Variants in COL23A1 observed in about 807,000 individuals in gnomAD.
COL23A1 encodes the protein collagen type XXIII alpha 1 chain, also known as collagen alpha-1(XXIII) chain.
In COL23A1, 97 loss-of-function variants were observed where a neutral mutation model predicts 99.3. The observed-to-expected ratio is 0.98, with a 90% CI of 0.83 to 1.16. The LOEUF is 1.16. Ranked by LOEUF, COL23A1 falls within the 50% of genes most tolerant of loss-of-function variation. The pLI is 0.00. For missense variants in COL23A1, 762 were observed against 757.4 expected, an observed-to-expected ratio of 1.01 and a Z score of -0.07; for synonymous variants, 320 against 308.2, an observed-to-expected ratio of 1.04 and a Z score of -0.40.
At chr5:178,262,120 G>A (rs370455018) in intron 10 of COL23A1, 97 bp downstream of exon 10, 30 of 1,298,270 alleles carry the variant, frequency 2.3e-5, no homozygotes, top group African/African-American at 1.3e-4. Flanking sequence ...AAACATGTGC[G>A]CGTGACCCTG....
At chr5:178,547,543 CCACACACCCCCATACACACCCCCA>C (rs1761672237) in intron 2 of COL23A1, among the ~76,000 whole-genome samples, 1 of 106,166 alleles carries the variant, frequency 9.4e-6, no homozygotes, top group Non-Finnish European at 1.9e-5. Flanking sequence ...ACAAACACAC[CCACACACCCCCATACACACCCCCA>C]CACACACCTA....
chr5:178,578,033 A>G (rs966938886), intron 1 of COL23A1, among the ~76,000 whole-genome samples: 1 of 152,142 alleles, frequency 6.6e-6, no homozygotes, highest in Non-Finnish European at 1.5e-5. Flanking sequence ...CCCACACAGC[A>G]TGCACACACG....
chr5:178,343,163 G>A (rs181625731), intron 2 of COL23A1, among the ~76,000 whole-genome samples: 2 of 152,282 alleles, frequency 1.3e-5, no homozygotes, highest in East Asian at 3.9e-4. Context: ...ACCCACGTGG[G>A]AAACACTCAG....
chr5:178,434,309 C>A lies in COL23A1; in HGVS notation c.361+126373G>T, dbSNP rs1109115. Among the ~76,000 whole-genome samples, 1 of 152,162 alleles carries A rather than the reference C, an allele frequency of 6.6e-6. No individual in the cohort carries two copies. The highest frequency in any genetic ancestry group is 1.5e-5 in the Non-Finnish European group (1 of 68,040). The stretch of plus-strand genomic sequence containing the variant: ...AGCCTTCTTGGGTACCTCCTCCTCA[C>A]GTACTCACTGGCCCCGAGGCACTGT... On this transcript the variant is annotated intron_variant, in intron 2 of 28. Transcript: ENST00000390654. The surrounding 1 kb of genome is among the most constrained non-coding windows in gnomAD (Gnocchi z 4.3).
intron 2 of COL23A1, among the ~76,000 whole-genome samples, chr5:178,315,713 A>G (rs1436931795): frequency 1.4e-5 from 2 of 142,306 alleles, no homozygotes; most frequent in African/African-American, 5.1e-5. Context: ...CAAGGGGCTG[A>G]GGTTGCCCAG....
At chr5:178,287,645 C>A (rs1356688031) in intron 5 of COL23A1, among the ~76,000 whole-genome samples, 2 of 152,202 alleles carry the variant, frequency 1.3e-5, no homozygotes, top group East Asian at 3.9e-4. Context: ...ATCTTCCTGC[C>A]CTGGAGGCAC....
At chr5:178,524,467 G>C (rs1355762743) in intron 2 of COL23A1, among the ~76,000 whole-genome samples, 2 of 152,228 alleles carry the variant, frequency 1.3e-5, no homozygotes, top group Admixed American at 1.3e-4. Context: ...TGGGGTAGGG[G>C]CTTTACCCAA....
chr5:178,429,044 G>T (rs564809787), intron 2 of COL23A1, among the ~76,000 whole-genome samples: 1 of 152,146 alleles, frequency 6.6e-6, no homozygotes, highest in African/African-American at 2.4e-5. Context: ...GCTGGGGCAC[G>T]CGACTGCTCT....
intron 2 of COL23A1, among the ~76,000 whole-genome samples, chr5:178,373,538 T>A (rs551596842): frequency 6.6e-6 from 1 of 152,292 alleles, no homozygotes; most frequent in Admixed American, 6.5e-5. Flanking sequence ...TGCCTCAGCC[T>A]CCCAAGTAGC....
intron 2 of COL23A1, among the ~76,000 whole-genome samples, chr5:178,505,777 G>T (rs1270787169): frequency 2.0e-5 from 3 of 152,174 alleles, no homozygotes; most frequent in Non-Finnish European, 4.4e-5. Flanking sequence ...GGAGGACTAT[G>T]GTGGGGACTT....
chr5:178,258,236 A>AATATATATATATATATAT (rs70994992), intron 12 of COL23A1, among the ~76,000 whole-genome samples: 28 of 71,924 alleles, frequency 3.9e-4, no homozygotes, highest in African/African-American at 9.6e-4. Context: ...CCTGTCTTAA[A>AATATATATATATATATAT]ATATATATAT....
chr5:178,337,136 C>T (rs1441481363), intron 2 of COL23A1, among the ~76,000 whole-genome samples: 6 of 152,334 alleles, frequency 3.9e-5, no homozygotes, highest in Middle Eastern at 3.4e-3. Flanking sequence ...GGAAGTTGCA[C>T]GTGTGGGCCA....
rs1171044156 is a variant in COL23A1 at position 178,366,388 on chromosome 5, C to T, written c.362-59469G>A. ...CCCTGCTGGTGTGGCTCCACCTGGT[C>T]GCTGGGGTCTGTCTTCCCAGCTCCC... On this transcript the variant is annotated intron_variant, in intron 2 of 28. Transcript: ENST00000390654. The surrounding 1 kb of genome is among the most constrained non-coding windows in gnomAD (Gnocchi z 4.4). 2.0e-5 allele frequency among the ~76,000 whole-genome samples: 3 copies of T among 152,290 alleles called. No individual in the cohort carries two copies. The highest frequency in any genetic ancestry group is 1.9e-4 in the East Asian group (1 of 5,174).
intron 2 of COL23A1, among the ~76,000 whole-genome samples, chr5:178,540,657 C>T (rs780614506): frequency 6.6e-6 from 1 of 151,966 alleles, no homozygotes; most frequent in Non-Finnish European, 1.5e-5. Flanking sequence ...CGTGGTGGCT[C>T]ATGCCTGCAG....
intron 2 of COL23A1, among the ~76,000 whole-genome samples, chr5:178,385,222 T>C (rs1332773077): frequency 6.6e-6 from 1 of 152,128 alleles, no homozygotes; most frequent in Non-Finnish European, 1.5e-5. Flanking sequence ...CTCTTCTCCT[T>C]ACTGGGCCTT....
intron 5 of COL23A1, among the ~76,000 whole-genome samples, chr5:178,276,989 C>T (rs1383940304): frequency 6.6e-6 from 1 of 152,176 alleles, no homozygotes; most frequent in East Asian, 1.9e-4. Context: ...GGCTGCTGCC[C>T]TCTGTGCTGC....
intron 3 of COL23A1, among the ~76,000 whole-genome samples, chr5:178,296,026 C>G (rs944434692): frequency 6.6e-6 from 1 of 152,242 alleles, no homozygotes; most frequent in East Asian, 1.9e-4. Flanking sequence ...GGCTCTTTCA[C>G]ACCATTGGAT....
At chr5:178,288,217 G>A (rs1323895065) in intron 5 of COL23A1, 107 bp downstream of exon 5, 7 of 992,332 alleles carry the variant, frequency 7.1e-6, no homozygotes, top group Non-Finnish European at 1.1e-5. Flanking sequence ...CGGCTGCTGA[G>A]GAGCAGAAGA....
chr5:178,315,217 A>G (rs1204833322), intron 2 of COL23A1, among the ~76,000 whole-genome samples: 2 of 152,098 alleles, frequency 1.3e-5, no homozygotes, highest in Non-Finnish European at 2.9e-5. Flanking sequence ...CTGGTGACAT[A>G]CCAGCCGTGC....
Sources: gnomAD v4.1 joint callset for allele counts (sites outside exome capture counted in the v4.1 genomes callset) on GRCh38, gnomAD v4.1.1 for gene constraint, Gnocchi (gnomAD v3.1) non-coding constraint, MANE v1.5 for transcripts, NCBI Gene and HGNC (gene_info 2026-07-23, HGNC 2026-07-21) for gene names.